PLA2G4F: variants seen among roughly 807,000 people sequenced by gnomAD.
PLA2G4F encodes cytosolic phospholipase A2 zeta.
A neutral mutation model predicts 103.1 loss-of-function variants in PLA2G4F; 105 were observed. That is an observed-to-expected ratio of 1.02 (90% CI 0.87 to 1.20). The LOEUF (loss-of-function observed/expected upper bound fraction) is 1.20. Ranked by LOEUF, PLA2G4F falls within the 50% of genes most tolerant of loss-of-function variation. The pLI, the probability that PLA2G4F is intolerant of heterozygous loss-of-function variation, is 0.00. For synonymous variants in PLA2G4F, 468 were observed against 441.1 expected, an observed-to-expected ratio of 1.06 and a Z score of -0.76; for missense variants, 1,155 against 1,075.9, an observed-to-expected ratio of 1.07 and a Z score of -1.03.
rs140522081 is a variant in PLA2G4F at position 42,142,947 on chromosome 15, G to A, written c.2143-233C>T. On this transcript the variant is annotated intron_variant, in intron 18 of 19. Transcript: ENST00000397272. Reference sequence around the variant, plus strand: ...TGTAATCCCAGCACTTTGGGAGGCCGAGGCTGGCAGATCATGAGGTCAAGA... The same window carrying A: ...TGTAATCCCAGCACTTTGGGAGGCCAAGGCTGGCAGATCATGAGGTCAAGA... 3.6e-3 allele frequency among the ~76,000 whole-genome samples: 549 copies of A among 152,102 alleles called. 6 individuals are homozygous for A. The highest frequency in any genetic ancestry group is 0.013 in the African/African-American group (527 of 41,484).
intron 11 of PLA2G4F, chr15:42,148,787 C>G (rs1441441173): frequency 1.0e-6 from 1 of 985,288 alleles, no homozygotes; most frequent in East Asian, 1.1e-4. Flanking sequence ...TCATTCCACT[C>G]TGGATTTTTG....
chr15:42,150,984 T>C (rs1205353579), intron 7 of PLA2G4F: 1 of 985,092 alleles, frequency 1.0e-6, no homozygotes. Context: ...TGGTCAGAAC[T>C]GGGACTCGGG....
chr15:42,145,475 A>G, intron 16 of PLA2G4F, 100 bp downstream of exon 16: 1 of 1,214,294 alleles, frequency 8.2e-7, no homozygotes, highest in Non-Finnish European at 1.2e-6. Context: ...CCAGTGGGAC[A>G]GCCAAGTCCT....
rs1186490702 is a variant in PLA2G4F at position 42,144,318 on chromosome 15, C to T, written c.1975+132G>A. On this transcript the variant is annotated intron_variant, in intron 17 of 19. Transcript: ENST00000397272. ...TCCAGCTTCCAGCAGTATTTAGAGT[C>T]GCTCCGCATCAGCCCATAGGCAGCA... The T allele has an allele frequency of 2.8e-4, 389 of 1,395,176 alleles. 1 individual carries two copies. Among genetic ancestry groups the T allele is most frequent in the African/African-American group, 5.8e-5 (4 of 69,514 alleles). The allele number at this position is 1,395,176 out of a possible 1,614,324, so 86.4% of individuals were successfully genotyped here.
In PLA2G4F at chr15:42,150,654, C is replaced by T; in HGVS notation, c.725G>A (p.Ser242Asn). Residue 242 changes from serine to asparagine, a missense_variant, in exon 8 of 20, where the codon AGC (serine) becomes AAC (asparagine). This residue lies in a region of PLA2G4F where 370 missense variants were observed against 364.9 expected (regional missense o/e 1.01). Transcript: ENST00000397272. Reference sequence around the variant, plus strand: ...CATCAGCTCCACGTGTAGCCTGGAGCTCAGCACTGGGTTCACGTGGAAGGT... The same window carrying T: ...CATCAGCTCCACGTGTAGCCTGGAGTTCAGCACTGGGTTCACGTGGAAGGT... ...TFTFHVNPVL[S>N]SRLHVELMEL... 1 of 1,613,622 alleles carries T rather than the reference C, an allele frequency of 6.2e-7. No homozygotes were observed. The highest frequency in any genetic ancestry group is 8.5e-7 in the Non-Finnish European group (1 of 1,179,808).
At chr15:42,152,785 A>G (rs758939066) in intron 6 of PLA2G4F, 31 bp from the exon 7 acceptor site, 1 of 1,548,418 alleles carries the variant, frequency 6.5e-7, no homozygotes, top group Non-Finnish European at 8.7e-7. Context: ...TAGGAGCCAG[A>G]CAGCCCACGG....
At chr15:42,154,575 G>T (rs2140817206) in intron 2 of PLA2G4F, 117 bp from the exon 3 acceptor site, 1 of 1,198,010 alleles carries the variant, frequency 8.3e-7, no homozygotes, top group Non-Finnish European at 1.1e-6. Flanking sequence ...CCGCCCACGT[G>T]GCATGGTGGG....
rs1872433606 is a variant in PLA2G4F at position 42,145,816 on chromosome 15, A to C, written c.1622T>G (p.Met541Arg). The C allele has an allele frequency of 1.2e-6, 2 of 1,614,122 alleles. No homozygotes were observed. Among genetic ancestry groups the C allele is most frequent in the African/African-American group, 2.7e-5 (2 of 75,052 alleles). Residue 541 changes from methionine (M) to arginine (R), a missense_variant, in exon 15 of 20, where the codon ATG becomes AGG. Transcript: ENST00000397272. ...AGGCTGGAGCTGCAGCAATCGTCCC[A>C]TGAAGAGTTCTGAGCCGAAGAGCTC... is the stretch of plus-strand genomic sequence containing the variant. ...PTELFGSELF[M>R]GRLLQLQPEP...
At chr15:42,154,877 C>T (rs2048997530) in intron 2 of PLA2G4F, among the ~76,000 whole-genome samples, 1 of 152,140 alleles carries the variant, frequency 6.6e-6, no homozygotes, top group South Asian at 2.1e-4. Flanking sequence ...GCACAGCTGT[C>T]CCCTCCAGCC....
At chr15:42,150,838 T>A in intron 7 of PLA2G4F, 61 bp from the exon 8 acceptor site, 1 of 1,557,808 alleles carries the variant, frequency 6.4e-7, no homozygotes, top group Non-Finnish European at 8.7e-7. Context: ...TCTCTGCGGC[T>A]TATGCTGGCA....
chr15:42,152,306 C>T (rs1294657276), intron 7 of PLA2G4F, among the ~76,000 whole-genome samples: 2 of 152,210 alleles, frequency 1.3e-5, no homozygotes, highest in East Asian at 1.9e-4. Flanking sequence ...TGTTCCTCTG[C>T]TGATGCCTTG....
At position 42,150,781 on chromosome 15, in the gene PLA2G4F, A is replaced by G. The variant is rs1453733149; in HGVS notation, c.602-4T>C. Reference sequence around the variant, plus strand: ...GCCAGCTGGAGCTGCCTAGAGCCTGAGAGCAGAGGGCCCAGGTGGGTGCGC... The same window carrying G: ...GCCAGCTGGAGCTGCCTAGAGCCTGGGAGCAGAGGGCCCAGGTGGGTGCGC... On this transcript the variant is annotated splice_polypyrimidine_tract_variant and splice_region_variant and intron_variant, in intron 7 of 19. Transcript: ENST00000397272. 1 of 1,605,294 alleles carries G rather than the reference A, an allele frequency of 6.2e-7. No homozygotes were observed. The highest frequency in any genetic ancestry group is 8.5e-7 in the Non-Finnish European group (1 of 1,177,194).
In PLA2G4F at chr15:42,147,761, AC is replaced by A; in HGVS notation, c.1060del (p.Val354CysfsTer3). 3.7e-6 allele frequency: 6 copies of A among 1,613,858 alleles called. No individual in the cohort carries two copies. Among genetic ancestry groups the A allele is most frequent in the Non-Finnish European group, 5.1e-6 (6 of 1,179,912 alleles). On this transcript the variant is annotated frameshift_variant and splice_region_variant, in exon 12 of 20. Transcript: ENST00000397272. LOFTEE classifies it high-confidence loss of function. ...GGAACCCAACACAGCCACTACAGGC[AC>A]CTGGGTACAATAATAACAAGGATAA... ...GLSEALDSGQ[V>X]PVVAVLGSGG...
Position 42,149,784 on chromosome 15 carries a change from T to C in PLA2G4F, c.988A>G (p.Arg330Gly). 1 of 1,614,186 alleles carries C rather than the reference T, an allele frequency of 6.2e-7. No individual in the cohort carries two copies. Among genetic ancestry groups the C allele is most frequent in the Non-Finnish European group, 8.5e-7 (1 of 1,180,030 alleles). The change falls in exon 11 of 20, where the codon AGG becomes GGG. Residue 330 changes from arginine (R) to glycine (G), a missense_variant. Physicochemically the swap from Arg to Gly is moderately radical, Grantham distance 125. Around this residue, in one of 3 missense-constraint regions of PLA2G4F, gnomAD observed 782 missense variants for 692.9 expected, o/e 1.13. Coordinates refer to ENST00000397272, the MANE Select transcript of PLA2G4F (RefSeq NM_213600.4). ...GCCTTGGACACGACCTGCTTCCTCC[T>C]GTCCAGAAACTCCTGCTCCCCGTCA... The part of the protein sequence containing the change: ...LSDGEQEFLD[R>G]RKQVVSKALQ...
intron 7 of PLA2G4F, chr15:42,151,619 C>T: frequency 1.0e-6 from 1 of 985,328 alleles, no homozygotes; most frequent in South Asian, 4.7e-5. Flanking sequence ...CCCCTCCTTG[C>T]ACTAGATGAG....
chr15:42,146,982 T>A, intron 13 of PLA2G4F, 142 bp downstream of exon 13: 1 of 805,844 alleles, frequency 1.2e-6, no homozygotes. Context: ...CACCCTGGAG[T>A]CACACTCCTG....
chr15:42,147,377 G>A (rs2048903702), intron 12 of PLA2G4F, 31 bp from the exon 13 acceptor site: 7 of 1,582,002 alleles, frequency 4.4e-6, no homozygotes, highest in Non-Finnish European at 5.2e-6. Context: ...TGAGTCAGGG[G>A]CAGGAGAGCA....
At chr15:42,150,850 C>T (rs766066477) in intron 7 of PLA2G4F, 73 bp from the exon 8 acceptor site, 179 of 1,538,148 alleles carry the variant, frequency 1.2e-4, no homozygotes, top group African/African-American at 1.1e-3. Context: ...ATGCTGGCAG[C>T]GCCCCAGCAG....
At position 42,141,508 on chromosome 15, in the gene PLA2G4F, C is replaced by T. The variant is rs529016619; in HGVS notation, c.*476G>A. 20 of 443,528 alleles carry T rather than the reference C, an allele frequency of 4.5e-5. No individual in the cohort carries two copies. The highest frequency in any genetic ancestry group is 3.8e-4 in the Admixed American group (16 of 41,682). 27.5% of individuals were successfully genotyped at this position (443,528 alleles called of 1,614,324 possible). ...TTCTTGATAGCAGTGCATCCAGGAG[C>T]TCGAGGTGGGGTTGGGGCTTGGGCC... On this transcript the variant is annotated 3_prime_UTR_variant, in exon 20 of 20. Coordinates refer to ENST00000397272, the MANE Select transcript of PLA2G4F (RefSeq NM_213600.4).
Sources: allele counts gnomAD v4.1 joint callset (sites outside exome capture counted in the v4.1 genomes callset), GRCh38; gene constraint gnomAD v4.1.1; regional missense constraint gnomAD v4.1.1; transcripts MANE v1.5; gene names NCBI Gene and HGNC (gene_info 2026-07-23, HGNC 2026-07-21).